FER: variants seen among roughly 807,000 people sequenced by gnomAD.
FER encodes the protein FER tyrosine kinase.
A neutral mutation model predicts 111.0 loss-of-function variants in FER; 63 were observed. The ratio of observed to expected loss-of-function variants is 0.57; its 90% confidence interval spans 0.46 to 0.70. The LOEUF is 0.70. FER is among the 30% of genes least tolerant of loss of function. The pLI is 0.00. For synonymous variants in FER, 327 were observed against 313.9 expected, an observed-to-expected ratio of 1.04 and a Z score of -0.44; for missense variants, 914 against 954.0, an observed-to-expected ratio of 0.96 and a Z score of 0.55.
chr5:108,834,934 G>A (rs1760456039), intron 4 of FER, among the ~76,000 whole-genome samples: 1 of 152,096 alleles, frequency 6.6e-6, no homozygotes, highest in Admixed American at 6.5e-5. Context: ...GCAAGGTTTT[G>A]ATGCTTTCTC....
intron 17 of FER, among the ~76,000 whole-genome samples, chr5:109,167,484 T>C (rs559032949): frequency 3.6e-4 from 55 of 152,306 alleles, no homozygotes; most frequent in African/African-American, 1.2e-3. Flanking sequence ...ATCTCTTTTC[T>C]ACACCATCAT....
rs181889024 is a variant in FER at position 108,946,600 on chromosome 5, A to G, written c.1329+378A>G. ...CTTTTTACAGTAGGGATTACTATAT[A>G]TATTTTAAAAATGTATTTATGTGTA... On this transcript the variant is annotated intron_variant, in intron 11 of 19. Coordinates refer to ENST00000281092, the MANE Select transcript of FER (RefSeq NM_005246.4). 5.9e-4 allele frequency among the ~76,000 whole-genome samples: 90 copies of G among 152,114 alleles called. 1 individual carries two copies. The East Asian group carries it at 0.016, about 28-fold the overall frequency.
At chr5:108,834,794 A>T (rs1048765917) in intron 4 of FER, among the ~76,000 whole-genome samples, 5 of 151,406 alleles carry the variant, frequency 3.3e-5, no homozygotes, top group African/African-American at 1.2e-4. Context: ...GAATGATTTG[A>T]ACTCATTTAT....
At chr5:109,153,068 T>C (rs1269939973) in intron 17 of FER, among the ~76,000 whole-genome samples, 1 of 151,828 alleles carries the variant, frequency 6.6e-6, no homozygotes, top group African/African-American at 2.4e-5. Flanking sequence ...TCTTTAGAAT[T>C]AGGAAAATCT....
rs532811219 is a variant in FER, at chr5:109,069,573, A to G, written c.1924+22375A>G. ...GAGTATATTGAAGATAGATTTATGAAGAGTTTAATTTTAATAATTGAGGTG... is the reference window on the plus strand; with the variant it reads ...GAGTATATTGAAGATAGATTTATGAGGAGTTTAATTTTAATAATTGAGGTG... On this transcript the variant is annotated intron_variant, in intron 16 of 19. Transcript: ENST00000281092. Among the ~76,000 whole-genome samples, 4 of 152,242 alleles carry G rather than the reference A, an allele frequency of 2.6e-5. No homozygotes were observed. The East Asian group carries it at 7.7e-4, about 29-fold the overall frequency.
At chr5:109,054,549 C>G (rs905883536) in intron 16 of FER, among the ~76,000 whole-genome samples, 2 of 152,238 alleles carry the variant, frequency 1.3e-5, no homozygotes, top group African/African-American at 2.4e-5. Flanking sequence ...TGTGTCTTGT[C>G]TTTTCATTCT....
At chr5:109,042,919 T>A (rs1771385238) in intron 14 of FER, among the ~76,000 whole-genome samples, 1 of 152,114 alleles carries the variant, frequency 6.6e-6, no homozygotes, top group Non-Finnish European at 1.5e-5. Context: ...AATTGAAGGA[T>A]GGATATTGAG....
intron 3 of FER, among the ~76,000 whole-genome samples, chr5:108,801,184 G>A (rs937796859): frequency 6.6e-6 from 1 of 152,192 alleles, no homozygotes; most frequent in Admixed American, 6.5e-5. Flanking sequence ...GCAAGCTATG[G>A]ATTGAAGTTC....
At chr5:108,765,360 G>GTTC (rs1217902555) in intron 1 of FER, among the ~76,000 whole-genome samples, 1 of 152,046 alleles carries the variant, frequency 6.6e-6, no homozygotes, top group Non-Finnish European at 1.5e-5. Flanking sequence ...AAAAATTATA[G>GTTC]AAAAGACTGA....
chr5:108,908,708 G>A (rs1751134765), intron 10 of FER, among the ~76,000 whole-genome samples: 1 of 147,922 alleles, frequency 6.8e-6, no homozygotes, highest in African/African-American at 2.5e-5. Flanking sequence ...GCGAGTGAGC[G>A]AGACTCCGTC....
chr5:109,093,862 G>C (rs976536817), intron 16 of FER, among the ~76,000 whole-genome samples: 9 of 152,010 alleles, frequency 5.9e-5, no homozygotes, highest in Admixed American at 2.0e-4. Context: ...AGTATTTGAA[G>C]GGTATCCTGG....
chr5:109,069,852 A>G (rs1288399121), intron 16 of FER, among the ~76,000 whole-genome samples: 1 of 152,240 alleles, frequency 6.6e-6, no homozygotes, highest in Admixed American at 6.5e-5. Flanking sequence ...GTAATGGATG[A>G]TGAGTAAAAT....
intron 17 of FER, among the ~76,000 whole-genome samples, chr5:109,165,066 C>G (rs545222531): frequency 5.5e-4 from 83 of 152,220 alleles, no homozygotes; most frequent in African/African-American, 1.9e-3. Flanking sequence ...TAGGTCCTAT[C>G]AGAGGAACAT....
In FER at chr5:108,977,162, G is replaced by A. The variant is rs548367986; in HGVS notation, c.1656+17815G>A. Among the ~76,000 whole-genome samples, 74 of 152,256 alleles carry A rather than the reference G, an allele frequency of 4.9e-4. No individual in the cohort carries two copies. The Middle Eastern group carries it at 0.01, about 21-fold the overall frequency. The stretch of plus-strand genomic sequence containing the variant: ...GCTACAAAATTATTACAGTAGTAAT[G>A]TATGTACTACAGTTAATTTTATGCA... On this transcript the variant is annotated intron_variant, in intron 13 of 19. Coordinates refer to ENST00000281092, the MANE Select transcript of FER (RefSeq NM_005246.4).
chr5:108,845,047 T>C (rs113120921), intron 5 of FER, among the ~76,000 whole-genome samples: 26 of 44,824 alleles, frequency 5.8e-4, no homozygotes, highest in African/African-American at 1.9e-3. Context: ...TATACATATA[T>C]ATATATATAT....
At chr5:108,787,725 C>CT (rs1050477334) in intron 2 of FER, among the ~76,000 whole-genome samples, 3 of 152,168 alleles carry the variant, frequency 2.0e-5, no homozygotes, top group Admixed American at 2.0e-4. Flanking sequence ...CCGCTGAGAG[C>CT]TGGATGCTTG....
intron 17 of FER, among the ~76,000 whole-genome samples, chr5:109,129,151 G>A (rs1332391094): frequency 6.6e-6 from 1 of 151,948 alleles, no homozygotes. Flanking sequence ...TGGTAGAGCT[G>A]GGGTGGTGGC....
chr5:108,941,484 A>C (rs963626153), intron 10 of FER, among the ~76,000 whole-genome samples: 1 of 152,182 alleles, frequency 6.6e-6, no homozygotes, highest in African/African-American at 2.4e-5. Context: ...CGTTACAAAA[A>C]TGCTTAGGGA....
intron 16 of FER, among the ~76,000 whole-genome samples, chr5:109,097,905 G>A (rs1260330402): frequency 1.3e-5 from 2 of 151,778 alleles, no homozygotes; most frequent in African/African-American, 2.4e-5. Flanking sequence ...ACAAAAAGCT[G>A]ACTAGGCTTG....
Sources: gnomAD v4.1 joint callset for allele counts (sites outside exome capture counted in the v4.1 genomes callset) on GRCh38, gnomAD v4.1.1 for gene constraint, MANE v1.5 for transcripts, NCBI Gene and HGNC (gene_info 2026-07-23, HGNC 2026-07-21) for gene names.